SLC38A9: variants seen among roughly 807,000 people sequenced by gnomAD.
The protein encoded by SLC38A9 is solute carrier family 38 member 9, also known as neutral amino acid transporter 9.
A neutral mutation model predicts 62.3 loss-of-function variants in SLC38A9; 48 were observed. The observed-to-expected ratio is 0.77, with a 90% CI of 0.61 to 0.98. SLC38A9 has a LOEUF of 0.98. Among genes scored for constraint, SLC38A9 ranks in the 50% least tolerant of loss-of-function variants. The probability of loss-of-function intolerance (pLI) is 0.00; values close to 1 mark genes in which losing one functional copy is unlikely to be tolerated. For missense variants in SLC38A9, 541 were observed against 679.8 expected, an observed-to-expected ratio of 0.80 and a Z score of 2.27; for synonymous variants, 204 against 227.7, an observed-to-expected ratio of 0.90 and a Z score of 0.94.
chr5:55,678,938 G>A (rs1369765565), intron 3 of SLC38A9, among the ~76,000 whole-genome samples: 1 of 152,022 alleles, frequency 6.6e-6, no homozygotes, highest in East Asian at 1.9e-4. Context: ...GAGATTACAG[G>A]CATGAGCCAC....
At chr5:55,696,000 C>T (rs1471335961) in intron 3 of SLC38A9, 4 of 80,404 alleles carry the variant, frequency 5.0e-5, no homozygotes, top group African/African-American at 8.1e-5. Context: ...ACCTCCCGGA[C>T]GGGGCAGCTG....
chr5:55,666,749 C>T (rs1029655820), intron 7 of SLC38A9, among the ~76,000 whole-genome samples: 1 of 151,712 alleles, frequency 6.6e-6, no homozygotes, highest in Non-Finnish European at 1.5e-5. Flanking sequence ...CAAAAATTGC[C>T]AGGCACAGTG....
chr5:55,652,769 A>T (rs199943710), intron 9 of SLC38A9, 46 bp from the exon 10 acceptor site: 30 of 1,440,096 alleles, frequency 2.1e-5, no homozygotes, highest in Non-Finnish European at 2.7e-5. Context: ...AAAAAACAAA[A>T]CAAAACAAAA....
At chr5:55,694,735 C>G (rs1561429370) in intron 3 of SLC38A9, among the ~76,000 whole-genome samples, 4 of 143,836 alleles carry the variant, frequency 2.8e-5, no homozygotes, top group Non-Finnish European at 6.2e-5. Flanking sequence ...CGCTCCCCAC[C>G]CTTCTCCTCT....
chr5:55,667,030 A>G (rs1310848105), intron 7 of SLC38A9, among the ~76,000 whole-genome samples: 1 of 150,786 alleles, frequency 6.6e-6, no homozygotes, highest in Non-Finnish European at 1.5e-5. Context: ...AAATAAAAAT[A>G]CAAAAAATAC....
At chr5:55,710,344 A>C (rs1757855287) in intron 2 of SLC38A9, among the ~76,000 whole-genome samples, 2 of 151,736 alleles carry the variant, frequency 1.3e-5, no homozygotes, top group Admixed American at 1.3e-4. Context: ...CTGGGATTAC[A>C]GATGAGACGC....
At chr5:55,632,730 G>C (rs1393109387) in intron 14 of SLC38A9, among the ~76,000 whole-genome samples, 3 of 152,034 alleles carry the variant, frequency 2.0e-5, no homozygotes, top group Non-Finnish European at 4.4e-5. Flanking sequence ...ATAAAGAAAT[G>C]ATCTGACCTG....
intron 3 of SLC38A9, chr5:55,691,303 T>G (rs1048440983): frequency 1.8e-5 from 27 of 1,512,422 alleles, no homozygotes; most frequent in Non-Finnish European, 2.1e-5. Context: ...CTGGAGGGAA[T>G]AGGACAGATA....
intron 12 of SLC38A9, among the ~76,000 whole-genome samples, chr5:55,644,349 GTCACTATTTGTTTTCTA>G (rs1745941334): frequency 3.7e-5 from 1 of 27,220 alleles, no homozygotes; most frequent in African/African-American, 8.2e-5. Context: ...TTTTCTATTT[GTCACTATTTGTTTTCTA>G]TTTGTCACAT....
At chr5:55,685,171 A>G (rs940700688) in intron 3 of SLC38A9, among the ~76,000 whole-genome samples, 3 of 152,174 alleles carry the variant, frequency 2.0e-5, no homozygotes, top group African/African-American at 7.2e-5. Context: ...CAAATTCCTT[A>G]ATCTCTCAAT....
intron 9 of SLC38A9, among the ~76,000 whole-genome samples, chr5:55,654,913 C>G (rs1013112800): frequency 6.6e-6 from 1 of 152,116 alleles, no homozygotes; most frequent in Non-Finnish European, 1.5e-5. Flanking sequence ...CTATGGCTCA[C>G]TGTAGCCTCA....
chr5:55,677,357 A>T (rs1752247406), intron 3 of SLC38A9, among the ~76,000 whole-genome samples: 1 of 152,194 alleles, frequency 6.6e-6, no homozygotes, highest in Admixed American at 6.5e-5. Context: ...ACTGTATGCA[A>T]TGCTTCTTTA....
chr5:55,628,737 C>T (rs1250367943), intron 14 of SLC38A9, among the ~76,000 whole-genome samples: 2 of 152,280 alleles, frequency 1.3e-5, no homozygotes, highest in Non-Finnish European at 2.9e-5. Flanking sequence ...CTTAAAGCTA[C>T]TCACTACCAT....
intron 12 of SLC38A9, among the ~76,000 whole-genome samples, chr5:55,636,041 C>T (rs1213918636): frequency 1.3e-5 from 2 of 152,150 alleles, no homozygotes; most frequent in African/African-American, 2.4e-5. Flanking sequence ...AGCATAGCCA[C>T]TTCAGTATGG....
intron 10 of SLC38A9, among the ~76,000 whole-genome samples, chr5:55,651,155 T>C (rs575996545): frequency 1.1e-4 from 17 of 151,686 alleles, no homozygotes; most frequent in Non-Finnish European, 2.1e-4. Context: ...TGAAATCGTA[T>C]GGTTTATGTG....
rs1001984621 is a variant in SLC38A9 at position 55,707,749 on chromosome 5, C to A, written c.-35+3703G>T. 5.9e-5 allele frequency among the ~76,000 whole-genome samples: 9 copies of A among 152,090 alleles called. No homozygotes were observed. In the South Asian group the frequency reaches 1.9e-3, roughly 32 times the overall value. On this transcript the variant is annotated intron_variant, in intron 2 of 15. Transcript: ENST00000396865. ...CCAGCTATGATTTGAATGTTTGTGTCCCGTCCAAAATTCATATGTTGAAAC... is the reference window on the plus strand; with the variant it reads ...CCAGCTATGATTTGAATGTTTGTGTACCGTCCAAAATTCATATGTTGAAAC...
At chr5:55,650,666 T>C (rs1378066068) in intron 10 of SLC38A9, among the ~76,000 whole-genome samples, 2 of 152,192 alleles carry the variant, frequency 1.3e-5, no homozygotes, top group Non-Finnish European at 2.9e-5. Flanking sequence ...CTTCTGTGTG[T>C]CTATGGCAGC....
Position 55,652,719 on chromosome 5 carries a change from A to G in SLC38A9, c.762T>C (p.Ile254=), listed in dbSNP as rs1747740384. ...GGCCTCCACTCCCGGCACTTGGACA[A>G]ATCACTGCAATAGGAAAGCACCAGA... The part of the protein sequence containing the change: ...ILSTNNSNPV[I]CPSAGSGGHP... The change falls in exon 10 of 16, where the codon ATT becomes ATC. Residue 254 remains isoleucine (I), a synonymous_variant. Coordinates refer to ENST00000396865, the MANE Select transcript of SLC38A9 (RefSeq NM_173514.4). 1 of 1,608,786 alleles carries G rather than the reference A, an allele frequency of 6.2e-7. No individual in the cohort carries two copies. Among genetic ancestry groups the G allele is most frequent in the African/African-American group, 1.3e-5 (1 of 74,582 alleles).
intron 8 of SLC38A9, among the ~76,000 whole-genome samples, chr5:55,662,802 A>C (rs543468622): frequency 6.6e-6 from 1 of 152,148 alleles, no homozygotes; most frequent in South Asian, 2.1e-4. Flanking sequence ...AATGAGATTG[A>C]GAAGGAGTGC....
Sources: gnomAD v4.1 joint callset for allele counts (sites outside exome capture counted in the v4.1 genomes callset) on GRCh38, gnomAD v4.1.1 for gene constraint, MANE v1.5 for transcripts, NCBI Gene and HGNC (gene_info 2026-07-23, HGNC 2026-07-21) for gene names.